The following DOK7 variants were observed in gnomAD, a reference collection of about 807,000 sequenced individuals.
DOK7 encodes the protein docking protein 7.
DOK7 carries 32 observed loss-of-function variants against 30.7 expected under a neutral mutation model. The ratio of observed to expected loss-of-function variants is 1.04; its 90% CI spans 0.79 to 1.40. The LOEUF is 1.40. Ranked by LOEUF, DOK7 falls within the 40% of genes most tolerant of loss-of-function variation. The probability of loss-of-function intolerance (pLI) is 0.00; values close to 1 mark genes in which losing one functional copy is unlikely to be tolerated. For synonymous variants in DOK7, 447 were observed against 324.1 expected (o/e 1.38, Z -4.07); for missense variants, 1,007 against 699.2 (o/e 1.44, Z -4.97).
Position 3,476,447 on chromosome 4 carries a change from C to T in DOK7, c.437C>T (p.Pro146Leu), listed in dbSNP as rs770987150. 33 of 1,613,668 alleles carry T rather than the reference C, an allele frequency of 2.0e-5. No individual in the cohort carries two copies. Among genetic ancestry groups the T allele is most frequent in the East Asian group, 6.7e-5 (3 of 44,900 alleles). ...DVLVLARDIP[P>L]AVTGQWKLSD... is the part of the protein sequence containing the mutation. ...CTCGTCTTGGCCAGGGACATCCCCC[C>T]GGCTGTCACGGGGCAGTGGAAGCTG... The change falls in exon 4 of 7, where the codon CCG becomes CTG. Residue 146 changes from proline to leucine, a missense_variant. Coordinates refer to ENST00000340083, the MANE Select transcript of DOK7 (RefSeq NM_173660.5).
intron 2 of DOK7, among the ~76,000 whole-genome samples, chr4:3,467,034 T>C (rs1726327087): frequency 6.6e-6 from 1 of 152,162 alleles, no homozygotes; most frequent in South Asian, 2.1e-4. Context: ...GCCCAGCTTC[T>C]GGGGGCGGCT....
chr4:3,497,310 C>A (rs1217869196), downstream of DOK7, among the ~76,000 whole-genome samples: 2 of 151,698 alleles, frequency 1.3e-5, no homozygotes, highest in African/African-American at 4.8e-5. Flanking sequence ...CCTCAGACAG[C>A]GGTGGGGGCC....
At chr4:3,483,989 C>T (rs959967175) in intron 4 of DOK7, among the ~76,000 whole-genome samples, 2 of 152,230 alleles carry the variant, frequency 1.3e-5, no homozygotes, top group Admixed American at 6.5e-5. Context: ...GCCTCCCCTC[C>T]ATGCCCACCT....
rs555261403 is a variant in DOK7 at position 3,469,582 on chromosome 4, G to A, written c.101-3824G>A. Among the ~76,000 whole-genome samples the A allele has an allele frequency of 4.1e-3, 622 of 152,224 alleles. 7 individuals are homozygous for A. Among genetic ancestry groups the A allele is most frequent in the African/African-American group, 0.014 (587 of 41,554 alleles). On this transcript the variant is annotated intron_variant, in intron 2 of 6. Transcript: ENST00000340083. ...GTGTGGCTGGGGCCCTCTGGGCCTG[G>A]CGCCCGGGGAGCTGGCCAGTGGCCA...
intron 2 of DOK7, among the ~76,000 whole-genome samples, chr4:3,470,477 AG>A (rs1726693514): frequency 1.3e-5 from 2 of 152,188 alleles, no homozygotes; most frequent in South Asian, 4.2e-4. Flanking sequence ...AGACAGGCCG[AG>A]GGGTGGCGTC....
intron 5 of DOK7, among the ~76,000 whole-genome samples, chr4:3,487,917 A>G (rs1727920532): frequency 6.6e-6 from 1 of 152,204 alleles, no homozygotes; most frequent in Non-Finnish European, 1.5e-5. Context: ...TCAGTGCACC[A>G]AGGAGCCAGG....
At chr4:3,468,414 G>A in intron 2 of DOK7, among the ~76,000 whole-genome samples, 1 of 149,688 alleles carries the variant, frequency 6.7e-6, no homozygotes, top group Non-Finnish European at 1.5e-5. Flanking sequence ...ATGCAGCAGT[G>A]TGTGTGCCTG....
intron 2 of DOK7, among the ~76,000 whole-genome samples, chr4:3,468,033 A>T (rs1022332031): frequency 6.6e-6 from 1 of 152,240 alleles, no homozygotes; most frequent in African/African-American, 2.4e-5. Flanking sequence ...TTTCAGATTC[A>T]GACCCCAGCA....
chr4:3,481,889 G>T (rs949212129), intron 4 of DOK7, among the ~76,000 whole-genome samples: 1 of 152,142 alleles, frequency 6.6e-6, no homozygotes, highest in Non-Finnish European at 1.5e-5. Context: ...CACTGGAGAC[G>T]TGTTTCTCAG....
Position 3,493,327 on chromosome 4 carries a change from G to T in DOK7, c.1341G>T (p.Leu447=). The T allele has an allele frequency of 6.2e-7, 1 of 1,603,190 alleles. No individual in the cohort carries two copies. ...CCGCCGGGTGTCCCTCTGGCTGGCT[G>T]GGCACGAGACGGCGGGGCCTGGTGA... ...QTSAGCPSGW[L]GTRRRGLVME... The change falls in exon 7 of 7, where the codon CTG becomes CTT. Residue 447 remains leucine, a synonymous_variant. Transcript: ENST00000340083.
Position 3,492,774 on chromosome 4 carries a change from T to C in DOK7, c.788T>C (p.Leu263Pro). The stretch of plus-strand genomic sequence containing the variant: ...TCTGTCTCAGGGGATGACCGCAGCC[T>C]GTCCAGCTCATCCTCAGAGGCCAGT... ...RPGSGGDDRSLSSSSSEASHL... is the reference protein window; with the variant it reads ...RPGSGGDDRSPSSSSSEASHL... Residue 263 changes from leucine to proline, a missense_variant, in exon 7 of 7, where the codon CTG becomes CCG. By Grantham distance (98) the Leu-to-Pro change is moderately conservative. Transcript: ENST00000340083. The C allele has an allele frequency of 1.2e-6, 2 of 1,612,732 alleles. No individual in the cohort carries two copies. Among genetic ancestry groups the C allele is most frequent in the Non-Finnish European group, 1.7e-6 (2 of 1,179,962 alleles).
rs761605986 is a variant in DOK7, at chr4:3,485,522, C to T, written c.533-17C>T. ...GCCCTCGGGCCAGACTGACCTGTCTCTGTCCTTCCTCTGCAGGGGCTGGCG... is the reference window on the plus strand; with the variant it reads ...GCCCTCGGGCCAGACTGACCTGTCTTTGTCCTTCCTCTGCAGGGGCTGGCG... On this transcript the variant is annotated splice_polypyrimidine_tract_variant and intron_variant, in intron 4 of 6. Transcript: ENST00000340083. The T allele has an allele frequency of 6.3e-7, 1 of 1,591,284 alleles. No individual in the cohort carries two copies. Among genetic ancestry groups the T allele is most frequent in the African/African-American group, 1.4e-5 (1 of 73,954 alleles).
downstream of DOK7, chr4:3,496,724 C>T: frequency 7.1e-7 from 1 of 1,405,586 alleles, no homozygotes; most frequent in Non-Finnish European, 9.6e-7. Flanking sequence ...GCCTGTGTCA[C>T]TCTTGGGGGG....
chr4:3,477,686 C>T (rs903525383), intron 4 of DOK7, among the ~76,000 whole-genome samples: 2 of 152,200 alleles, frequency 1.3e-5, no homozygotes, highest in South Asian at 2.1e-4. Context: ...GCAGGAGGCA[C>T]GTGCGGCAGA....
exon 7 of DOK7, chr4:3,500,395 G>C: frequency 6.5e-7 from 1 of 1,535,914 alleles, no homozygotes; most frequent in Non-Finnish European, 8.7e-7. Context: ...GCCAGCGAGG[G>C]TGTCCGAGGT....
downstream of DOK7, among the ~76,000 whole-genome samples, chr4:3,498,462 A>G (rs1260610676): frequency 6.6e-6 from 1 of 152,196 alleles, no homozygotes; most frequent in Non-Finnish European, 1.5e-5. Context: ...CAAACTTGGA[A>G]GAACGGATGC....
At chr4:3,468,928 TGTGC>T (rs1464904428) in intron 2 of DOK7, among the ~76,000 whole-genome samples, 3 of 143,638 alleles carry the variant, frequency 2.1e-5, no homozygotes, top group Middle Eastern at 3.3e-3. Flanking sequence ...TGTGTATGAG[TGTGC>T]GTGCTTTTGT....
In DOK7 at chr4:3,476,455, AC is replaced by A; in HGVS notation, c.446del (p.Thr149ArgfsTer97). 6.2e-7 allele frequency: 1 copy of A among 1,613,664 alleles called. No homozygotes were observed. The highest frequency in any genetic ancestry group is 8.5e-7 in the Non-Finnish European group (1 of 1,180,008). On this transcript the variant is annotated frameshift_variant, in exon 4 of 7. Coordinates refer to ENST00000340083, the MANE Select transcript of DOK7 (RefSeq NM_173660.5). LOFTEE classifies it high-confidence loss of function. ...VLARDIPPAV[T>X]GQWKLSDLRR... ...GGCCAGGGACATCCCCCCGGCTGTC[AC>A]GGGGCAGTGGAAGCTGTCTGACCTC...
downstream of DOK7, among the ~76,000 whole-genome samples, chr4:3,496,362 GA>G (rs144120570): frequency 0.017 from 2,632 of 152,390 alleles, 40 homozygotes; most frequent in Middle Eastern, 0.078. Flanking sequence ...CAGCTGCAGA[GA>G]GCAGGGCCCA....
Sources: allele counts gnomAD v4.1 joint callset (sites outside exome capture counted in the v4.1 genomes callset), GRCh38; gene constraint gnomAD v4.1.1; transcripts MANE v1.5; gene names NCBI Gene and HGNC (gene_info 2026-07-23, HGNC 2026-07-21).